The following RFTN1 variants were observed in gnomAD, a reference collection of about 807,000 sequenced individuals.
RFTN1 encodes raftlin, lipid raft linker 1, also known as raftlin.
In RFTN1, 26 loss-of-function variants were observed where a neutral mutation model predicts 46.5. The ratio of observed to expected loss-of-function variants is 0.56; its 90% CI spans 0.41 to 0.78. RFTN1 has a LOEUF of 0.78. Among genes scored for constraint, RFTN1 ranks in the 30% least tolerant of loss-of-function variants. The pLI, the probability that RFTN1 is intolerant of heterozygous loss-of-function variation, is 0.00. For missense variants in RFTN1, 693 were observed against 718.7 expected, an observed-to-expected ratio of 0.96 and a Z score of 0.41; for synonymous variants, 261 against 284.2, an observed-to-expected ratio of 0.92 and a Z score of 0.82.
At chr3:16,493,485 G>A (rs567162447) in intron 2 of RFTN1, among the ~76,000 whole-genome samples, 3 of 152,072 alleles carry the variant, frequency 2.0e-5, no homozygotes, top group South Asian at 2.1e-4. Flanking sequence ...CACCCGCCTC[G>A]GCCTCCCAAA....
intron 1 of RFTN1, among the ~76,000 whole-genome samples, chr3:16,508,696 GCACACACACA>G (rs3029330): frequency 3.0e-4 from 20 of 65,744 alleles, no homozygotes; most frequent in Non-Finnish European, 6.6e-4. Context: ...TCACACGCAC[GCACACACACA>G]CACACACACA....
chr3:16,326,937 G>C, intron 7 of RFTN1, 61 bp from the exon 8 acceptor site: 8 of 1,289,188 alleles, frequency 6.2e-6, no homozygotes, highest in Non-Finnish European at 8.8e-6. Context: ...CAGGCAATGA[G>C]AGGGGACTAT....
chr3:16,510,387 T>C (rs78349102), intron 1 of RFTN1, among the ~76,000 whole-genome samples: 9,768 of 152,242 alleles, frequency 0.064, 575 homozygotes, highest in African/African-American at 0.14. Context: ...AAGCACTCAA[T>C]CAATCTTCTT....
chr3:16,326,835 C>T lies in RFTN1; in HGVS notation c.1188G>A (p.Ser396=), dbSNP rs377108354. The part of the protein sequence containing the change: ...VQTDYVPLLN[S]LAAYGWQLTC... ...TGAGCTGCCAGCCATAGGCCGCCAGCGAGTTCAGCAGGGGCACGTAGTCTG... is the reference window on the plus strand; with the variant it reads ...TGAGCTGCCAGCCATAGGCCGCCAGTGAGTTCAGCAGGGGCACGTAGTCTG... Residue 396 remains serine, a synonymous_variant, in exon 8 of 10, where the codon TCG becomes TCA. Coordinates refer to ENST00000334133, the MANE Select transcript of RFTN1 (RefSeq NM_015150.2). 9.3e-6 allele frequency: 15 copies of T among 1,613,954 alleles called. No individual in the cohort carries two copies. In the South Asian group the frequency reaches 9.9e-5, roughly 11 times the overall value.
At position 16,447,770 on chromosome 3, in the gene RFTN1, A is replaced by G. The variant is rs765772471; in HGVS notation, c.146-13733T>C. On this transcript the variant is annotated intron_variant, in intron 2 of 9. Transcript: ENST00000334133. This position sits in a 1 kb window ranked among gnomAD's most constrained non-coding sequence, Gnocchi z 5.9. ...CCCAGAAGAAAAATACGATCTATCCACCGTTGGCACAAGAAGGGAAAGATG... is the reference window on the plus strand; with the variant it reads ...CCCAGAAGAAAAATACGATCTATCCGCCGTTGGCACAAGAAGGGAAAGATG... 5.3e-5 allele frequency among the ~76,000 whole-genome samples: 8 copies of G among 152,210 alleles called. No individual in the cohort carries two copies. The highest frequency in any genetic ancestry group is 1.2e-4 in the Non-Finnish European group (8 of 68,036).
At chr3:16,340,772 T>A (rs1198255846) in intron 7 of RFTN1, among the ~76,000 whole-genome samples, 1 of 152,156 alleles carries the variant, frequency 6.6e-6, no homozygotes, top group Non-Finnish European at 1.5e-5. Context: ...CTGAACAACA[T>A]CAAGAATTTT....
At chr3:16,323,269 C>T (rs772712349) in intron 9 of RFTN1, 107 bp downstream of exon 9, 58 of 785,730 alleles carry the variant, frequency 7.4e-5, no homozygotes, top group Non-Finnish European at 9.6e-5. Flanking sequence ...TTGGGCTCTG[C>T]GAGCCCTTGG....
chr3:16,336,362 G>A lies in RFTN1; in HGVS notation c.1147-9486C>T, dbSNP rs1350968384. On this transcript the variant is annotated intron_variant, in intron 7 of 9. Coordinates refer to ENST00000334133, the MANE Select transcript of RFTN1 (RefSeq NM_015150.2). The surrounding 1 kb of genome is among the most constrained non-coding windows in gnomAD (Gnocchi z 6.0). ...AAGCACATGGTTCCCATCCAGTGGA[G>A]CCCATGGAGGTGAGGTGGAGGGAGG... 1.3e-5 allele frequency among the ~76,000 whole-genome samples: 2 copies of A among 152,156 alleles called. No individual in the cohort carries two copies. The highest frequency in any genetic ancestry group is 4.8e-5 in the African/African-American group (2 of 41,434).
chr3:16,365,058 A>G (rs77877413), intron 6 of RFTN1, among the ~76,000 whole-genome samples: 6,763 of 152,288 alleles, frequency 0.044, 480 homozygotes, highest in African/African-American at 0.16. Context: ...TGTCCTATGG[A>G]CACATGAGAA....
At chr3:16,328,300 A>G (rs1180765787) in intron 7 of RFTN1, among the ~76,000 whole-genome samples, 2 of 152,256 alleles carry the variant, frequency 1.3e-5, no homozygotes, top group Non-Finnish European at 2.9e-5. Context: ...CTTAACTCAG[A>G]GGCAGCGCGC....
intron 3 of RFTN1, among the ~76,000 whole-genome samples, chr3:16,423,024 C>A (rs867998687): frequency 6.6e-6 from 1 of 151,726 alleles, no homozygotes; most frequent in African/African-American, 2.4e-5. Context: ...AAAAATTAGC[C>A]GGGCATGGTG....
chr3:16,398,133 G>C (rs2074513629), intron 4 of RFTN1, among the ~76,000 whole-genome samples: 1 of 151,884 alleles, frequency 6.6e-6, no homozygotes, highest in African/African-American at 2.4e-5. Flanking sequence ...TGTAATCCCA[G>C]CTACTCGGGA....
chr3:16,417,045 G>A (rs2075095933), intron 3 of RFTN1, among the ~76,000 whole-genome samples: 1 of 130,794 alleles, frequency 7.6e-6, no homozygotes, highest in Non-Finnish European at 1.6e-5. Context: ...GTCTCACTCT[G>A]TTGCCCAGGC....
rs1240912570 is a variant in RFTN1, at chr3:16,404,141, T to C, written c.441+5234A>G. On this transcript the variant is annotated intron_variant, in intron 4 of 9. Coordinates refer to ENST00000334133, the MANE Select transcript of RFTN1 (RefSeq NM_015150.2). The stretch of plus-strand genomic sequence containing the variant: ...TATACATTTTATATATAATATATAA[T>C]ATACATTTTATATATATTATATATA... Among the ~76,000 whole-genome samples, 2 of 53,460 alleles carry C rather than the reference T, an allele frequency of 3.7e-5. 1 individual carries two copies. Among genetic ancestry groups the C allele is most frequent in the Non-Finnish European group, 6.0e-5 (2 of 33,332 alleles). The allele number at this position is 53,460 out of a possible 152,430, so 35.1% of individuals were successfully genotyped here. A position where few individuals can be genotyped will look rare whatever the true frequency, so the allele number is the denominator to read the frequency against.
chr3:16,510,660 T>C (rs541830811), intron 1 of RFTN1, among the ~76,000 whole-genome samples: 2 of 152,330 alleles, frequency 1.3e-5, no homozygotes, highest in Admixed American at 6.5e-5. Flanking sequence ...CTCATACTTG[T>C]ATTCTTTGCT....
At chr3:16,347,581 C>T (rs2071813648) in intron 7 of RFTN1, 2 of 152,226 alleles carry the variant, frequency 1.3e-5, no homozygotes, top group Admixed American at 1.3e-4. Flanking sequence ...TAAAATCTCC[C>T]TCTGCCTCTC....
rs974759633 is a variant in RFTN1, at chr3:16,426,588, G to T, written c.332+7263C>A. On this transcript the variant is annotated intron_variant, in intron 3 of 9. Transcript: ENST00000334133. This position sits in a 1 kb window ranked among gnomAD's most constrained non-coding sequence, Gnocchi z 5.9. ...GCCATCCTTTGAATGTCTTTTAAAA[G>T]AAAAAGAAGAGTGAAAAATAATGGA... Among the ~76,000 whole-genome samples, 1 of 150,990 alleles carries T rather than the reference G, an allele frequency of 6.6e-6. No homozygotes were observed. Among genetic ancestry groups the T allele is most frequent in the Non-Finnish European group, 1.5e-5 (1 of 67,884 alleles).
chr3:16,406,989 C>T (rs1289726852), intron 4 of RFTN1, among the ~76,000 whole-genome samples: 1 of 152,182 alleles, frequency 6.6e-6, no homozygotes, highest in African/African-American at 2.4e-5. Context: ...TCCTTCAGGG[C>T]ATAAAAACCC....
rs2076695128 is a variant in RFTN1 at position 16,500,612 on chromosome 3, G to C, written c.-8-6735C>G. On this transcript the variant is annotated intron_variant, in intron 1 of 9. Transcript: ENST00000334133. The surrounding 1 kb of genome is among the most constrained non-coding windows in gnomAD (Gnocchi z 5.9). ...CCCGAACTGCAAGAAGAAGATGACA[G>C]ACATTGCAAATGATCTGGAAACAAA... Among the ~76,000 whole-genome samples the C allele has an allele frequency of 6.6e-6, 1 of 152,156 alleles. No homozygotes were observed. The highest frequency in any genetic ancestry group is 2.4e-5 in the African/African-American group (1 of 41,424).
Sources: gnomAD v4.1 joint callset for allele counts (sites outside exome capture counted in the v4.1 genomes callset) on GRCh38, gnomAD v4.1.1 for gene constraint, Gnocchi (gnomAD v3.1) non-coding constraint, MANE v1.5 for transcripts, NCBI Gene and HGNC (gene_info 2026-07-23, HGNC 2026-07-21) for gene names.